The following SPATA7 variants were observed in gnomAD, a reference collection of about 807,000 sequenced individuals.
SPATA7 encodes the protein spermatogenesis associated 7.
In SPATA7, 43 loss-of-function variants were observed where a neutral mutation model predicts 51.8. The observed-to-expected ratio is 0.83, with a 90% CI of 0.65 to 1.07. The LOEUF is 1.07. Among genes scored for constraint, SPATA7 ranks in the 50% least tolerant of loss-of-function variants. SPATA7 has a pLI of 0.00. For missense variants in SPATA7, 683 were observed against 701.3 expected, an observed-to-expected ratio of 0.97 and a Z score of 0.30; for synonymous variants, 230 against 252.8, an observed-to-expected ratio of 0.91 and a Z score of 0.86.
At chr14:88,451,836 T>G (rs1310667282) in intron 3 of SPATA7, among the ~76,000 whole-genome samples, 2 of 152,172 alleles carry the variant, frequency 1.3e-5, no homozygotes, top group Admixed American at 1.3e-4. Context: ...TATATCATTT[T>G]TTTTATTTCT....
intron 4 of SPATA7, among the ~76,000 whole-genome samples, chr14:88,464,075 G>A (rs763867743): frequency 4.6e-5 from 7 of 151,912 alleles, no homozygotes; most frequent in South Asian, 2.1e-4. Flanking sequence ...TCCTGACATC[G>A]TGATCCACCC....
chr14:88,412,759 T>C (rs553216161), intron 4 of SPATA7, among the ~76,000 whole-genome samples: 1 of 152,346 alleles, frequency 6.6e-6, no homozygotes, highest in East Asian at 1.9e-4. Context: ...GTTGTCTGTT[T>C]ACTCTGTTGA....
chr14:88,411,219 C>T (rs529826147), intron 4 of SPATA7, among the ~76,000 whole-genome samples: 1 of 152,278 alleles, frequency 6.6e-6, no homozygotes, highest in Admixed American at 6.5e-5. Context: ...ATGCCCCTCC[C>T]CCCACCAAGC....
chr14:88,440,865 G>C (rs979729996), downstream of SPATA7, among the ~76,000 whole-genome samples: 3 of 152,090 alleles, frequency 2.0e-5, no homozygotes, highest in Non-Finnish European at 2.9e-5. Context: ...GGGAACAGGT[G>C]ATGTTTGGTT....
At chr14:88,453,771 G>A (rs1042137318) in intron 3 of SPATA7, among the ~76,000 whole-genome samples, 1 of 152,204 alleles carries the variant, frequency 6.6e-6, no homozygotes, top group South Asian at 2.1e-4. Flanking sequence ...TCATACTTCA[G>A]TGATAGAAGA....
Position 88,469,018 on chromosome 14 carries a change from T to C in SPATA7, c.255-829T>C. ...GGACCAACAACGGAGGGTTGGGGCTTTGGGGATCACTTGTGCTATTTGTAT... is the reference window on the plus strand; with the variant it reads ...GGACCAACAACGGAGGGTTGGGGCTCTGGGGATCACTTGTGCTATTTGTAT... On this transcript the variant is annotated intron_variant, in intron 4 of 4. Transcript: ENST00000556406. This position sits in a 1 kb window ranked among gnomAD's most constrained non-coding sequence, Gnocchi z 4.3. 6.2e-7 allele frequency: 1 copy of C among 1,614,164 alleles called. No individual in the cohort carries two copies. The highest frequency in any genetic ancestry group is 1.3e-5 in the African/African-American group (1 of 75,058).
chr14:88,403,123 A>G (rs975710340), intron 4 of SPATA7, among the ~76,000 whole-genome samples: 3 of 152,196 alleles, frequency 2.0e-5, no homozygotes, highest in Non-Finnish European at 4.4e-5. Context: ...CCTTAATGAG[A>G]TATCACTCAC....
chr14:88,455,946 G>T (rs1362399113), downstream of SPATA7, among the ~76,000 whole-genome samples: 2 of 141,656 alleles, frequency 1.4e-5, no homozygotes, highest in Non-Finnish European at 3.0e-5. Flanking sequence ...TCATTGTTCA[G>T]TTCCCACCTA....
chr14:88,437,978 A>T lies in SPATA7; in HGVS notation c.1356A>T (p.Leu452Phe), dbSNP rs2077137029. 3 of 1,613,950 alleles carry T rather than the reference A, an allele frequency of 1.9e-6. No homozygotes were observed. Among genetic ancestry groups the T allele is most frequent in the Non-Finnish European group, 1.7e-6 (2 of 1,179,992 alleles). ...CTGGGAATTCAGAACCAAATGAATT[A>T]AAAAATGAAAGTGAAGTAACAATTC... ...EKAGNSEPNE[L>F]KNESEVTIQQ... The change falls in exon 12 of 12, where the codon TTA becomes TTT. Residue 452 changes from leucine to phenylalanine, a missense_variant. Physicochemically the swap from Leu to Phe is conservative, Grantham distance 22 (BLOSUM62 0). Transcript: ENST00000393545.
At position 88,399,642 on chromosome 14, in the gene SPATA7, G is replaced by T. The variant is rs2076002075; in HGVS notation, c.238+3439G>T. Among the ~76,000 whole-genome samples, 3 of 152,114 alleles carry T rather than the reference G, an allele frequency of 2.0e-5. No individual in the cohort carries two copies. In the South Asian group the frequency reaches 6.2e-4, roughly 32 times the overall value. ...TTTTTTGTAGCACAAAACTGGTTCA[G>T]TGTTTACATGCTTTAAATATCTGGA... On this transcript the variant is annotated intron_variant, in intron 4 of 11. Transcript: ENST00000393545.
In SPATA7 at chr14:88,469,790, A is replaced by C. The variant is rs2077429427; in HGVS notation, c.255-57A>C. 1.9e-6 allele frequency: 3 copies of C among 1,598,336 alleles called. No homozygotes were observed. Among genetic ancestry groups the C allele is most frequent in the Non-Finnish European group, 1.7e-6 (2 of 1,165,878 alleles). On this transcript the variant is annotated intron_variant, in intron 4 of 4. Coordinates refer to the SPATA7 transcript ENST00000556406. This position sits in a 1 kb window ranked among gnomAD's most constrained non-coding sequence, Gnocchi z 4.3. ...AGATCCGGCAATGGATGCCTTTCTCACATAGACGGCACATCTGAAACAGAA... is the reference window on the plus strand; with the variant it reads ...AGATCCGGCAATGGATGCCTTTCTCCCATAGACGGCACATCTGAAACAGAA...
At chr14:88,455,192 T>A (rs1215272778) in exon 4 of SPATA7, 4 of 430,008 alleles carry the variant, frequency 9.3e-6, no homozygotes, top group Non-Finnish European at 1.9e-5. Flanking sequence ...GTGAAATTGA[T>A]AGCAAATCTT....
chr14:88,465,487 G>A (rs2077351442), intron 4 of SPATA7, among the ~76,000 whole-genome samples: 1 of 152,016 alleles, frequency 6.6e-6, no homozygotes, highest in Non-Finnish European at 1.5e-5. Flanking sequence ...AATAAAATGA[G>A]TACTTTCTGT....
chr14:88,405,354 G>C (rs1057099162), intron 4 of SPATA7, among the ~76,000 whole-genome samples: 1 of 152,218 alleles, frequency 6.6e-6, no homozygotes, highest in African/African-American at 2.4e-5. Context: ...TTGAAGAGAG[G>C]AGTAGCAGGG....
In SPATA7 at chr14:88,416,788, G is replaced by T. The variant is rs775594191; in HGVS notation, c.316G>T (p.Ala106Ser). ...CEKEFKLTKT[A>S]MRANYKNNSK... is the part of the protein sequence containing the mutation. ...AAAAGAGTTCAAATTAACTAAAACT[G>T]CAATGCGAGCCAATTATAAAAATAA... The change falls in exon 5 of 12, where the codon GCA (alanine) becomes TCA (serine). Residue 106 changes from alanine to serine, a missense_variant. By Grantham distance (99) the Ala-to-Ser change is moderately conservative. Transcript: ENST00000393545. The T allele has an allele frequency of 6.2e-7, 1 of 1,608,652 alleles. No homozygotes were observed. Among genetic ancestry groups the T allele is most frequent in the South Asian group, 1.1e-5 (1 of 90,862 alleles).
At chr14:88,464,356 G>C (rs1037528696) in intron 4 of SPATA7, among the ~76,000 whole-genome samples, 5 of 152,102 alleles carry the variant, frequency 3.3e-5, no homozygotes, top group African/African-American at 1.2e-4. Flanking sequence ...ACTGGAAAGG[G>C]ATAGTTTTAG....
intron 4 of SPATA7, among the ~76,000 whole-genome samples, chr14:88,397,419 G>A (rs146671048): frequency 2.9e-4 from 44 of 151,426 alleles, no homozygotes; most frequent in African/African-American, 1.0e-3. Flanking sequence ...GAGGCAAGTG[G>A]ATCACTTGAG....
At position 88,433,226 on chromosome 14, in the gene SPATA7, A is replaced by G. The variant is rs1340930392; in HGVS notation, c.1160+14A>G. 5 of 1,539,030 alleles carry G rather than the reference A, an allele frequency of 3.2e-6. No homozygotes were observed. Among genetic ancestry groups the G allele is most frequent in the Non-Finnish European group, 4.5e-6 (5 of 1,115,858 alleles). ...ATTTTCAAACAGGTTAGTTTTTTTAATGGTGTTATGTTAATTCAGGAGTAC... is the reference window on the plus strand; with the variant it reads ...ATTTTCAAACAGGTTAGTTTTTTTAGTGGTGTTATGTTAATTCAGGAGTAC... On this transcript the variant is annotated intron_variant, in intron 10 of 11. Transcript: ENST00000393545.
At chr14:88,454,924 A>AT in intron 3 of SPATA7, 1 of 361,996 alleles carries the variant, frequency 2.8e-6, no homozygotes, top group South Asian at 2.2e-5. Context: ...TTAATTACTA[A>AT]AGCAGTGGTT....
Sources: allele counts gnomAD v4.1 joint callset (sites outside exome capture counted in the v4.1 genomes callset), GRCh38; gene constraint gnomAD v4.1.1; non-coding constraint Gnocchi (gnomAD v3.1); transcripts MANE v1.5; gene names NCBI Gene and HGNC (gene_info 2026-07-23, HGNC 2026-07-21).